COLQ: variants seen among roughly 807,000 people sequenced by gnomAD.
COLQ encodes the protein acetylcholinesterase collagenic tail peptide.
COLQ carries 48 observed loss-of-function variants against 69.0 expected under a neutral mutation model. That is an observed-to-expected ratio of 0.70 (90% CI 0.55 to 0.88). The LOEUF (loss-of-function observed/expected upper bound fraction) is 0.88, where lower values mean the gene tolerates loss of function less well. Among genes scored for constraint, COLQ ranks in the 40% least tolerant of loss-of-function variants. COLQ has a pLI of 0.00. For missense variants in COLQ, 618 were observed against 594.6 expected, an observed-to-expected ratio of 1.04 and a Z score of -0.41; for synonymous variants, 217 against 211.2, an observed-to-expected ratio of 1.03 and a Z score of -0.24.
intron 12 of COLQ, 70 bp from the exon 13 acceptor site, chr3:15,458,395 G>A: frequency 6.4e-7 from 1 of 1,573,408 alleles, no homozygotes. Flanking sequence ...GGAGATGTGA[G>A]CGACCTTTGC....
chr3:15,492,788 C>G (rs1382760085), intron 1 of COLQ, among the ~76,000 whole-genome samples: 1 of 152,238 alleles, frequency 6.6e-6, no homozygotes, highest in African/African-American at 2.4e-5. Flanking sequence ...TTCTATCCCA[C>G]CCTTTGCAAG....
At chr3:15,489,775 T>A in intron 1 of COLQ, 138 bp from the exon 2 acceptor site, 1 of 720,568 alleles carries the variant, frequency 1.4e-6, no homozygotes, top group Non-Finnish European at 2.5e-6. Flanking sequence ...TGGATAGGCC[T>A]CCTGTTGGCT....
At chr3:15,461,944 G>A (rs1396240716) in intron 12 of COLQ, among the ~76,000 whole-genome samples, 1 of 151,928 alleles carries the variant, frequency 6.6e-6, no homozygotes, top group Non-Finnish European at 1.5e-5. Flanking sequence ...ACCAATTTGG[G>A]GGGCCTAGTC....
intron 1 of COLQ, among the ~76,000 whole-genome samples, chr3:15,500,291 G>A (rs1017465518): frequency 6.6e-6 from 1 of 152,218 alleles, no homozygotes; most frequent in East Asian, 1.9e-4. Flanking sequence ...GGAGTCCTCA[G>A]TCCTGAGTCC....
chr3:15,457,799 A>G (rs1024216146), intron 13 of COLQ, among the ~76,000 whole-genome samples: 2 of 152,084 alleles, frequency 1.3e-5, no homozygotes, highest in African/African-American at 4.8e-5. Flanking sequence ...TATATTTTTT[A>G]GTAGAGATGG....
intron 11 of COLQ, chr3:15,467,826 A>G (rs1432336272): frequency 4.4e-6 from 2 of 456,116 alleles, no homozygotes; most frequent in Non-Finnish European, 8.8e-6. Flanking sequence ...ACTCCTTTCC[A>G]GCCACAACGG....
At chr3:15,484,535 C>T (rs963951158) in intron 3 of COLQ, among the ~76,000 whole-genome samples, 4 of 152,182 alleles carry the variant, frequency 2.6e-5, no homozygotes, top group African/African-American at 9.7e-5. Context: ...CCATTCTCCC[C>T]GTCACTTTCA....
chr3:15,519,164 G>C (rs2063102548), intron 1 of COLQ, among the ~76,000 whole-genome samples: 1 of 151,924 alleles, frequency 6.6e-6, no homozygotes, highest in Non-Finnish European at 1.5e-5. Flanking sequence ...GGTTACCTTA[G>C]TGATTCCCGC....
intron 1 of COLQ, among the ~76,000 whole-genome samples, chr3:15,517,280 T>TA (rs1289138577): frequency 4.6e-5 from 7 of 152,138 alleles, no homozygotes; most frequent in Admixed American, 1.3e-4. Flanking sequence ...GCCCTGGACT[T>TA]AAAGAAGCAG....
Position 15,455,854 on chromosome 3 carries a change from C to G in COLQ, c.1195+45G>C, listed in dbSNP as rs571916975. 15 of 1,612,982 alleles carry G rather than the reference C, an allele frequency of 9.3e-6. No homozygotes were observed. The South Asian group carries it at 9.9e-5, about 11-fold the overall frequency. On this transcript the variant is annotated intron_variant, in intron 15 of 16. Transcript: ENST00000383788. ...CAGGGCTGGCCCTGAGTCCCACCCC[C>G]CTGCTGTTCAGGCCTCAGGTCCTCC...
Position 15,489,534 on chromosome 3 carries a change from G to A in COLQ, c.210C>T (p.Gly70=). The change falls in exon 2 of 17, where the codon GGC becomes GGT. Residue 70 remains glycine, a synonymous_variant. Coordinates refer to ENST00000383788, the MANE Select transcript of COLQ (RefSeq NM_005677.4). ...PLFPPPFFRG[G]RSPLLSPDMK... ...ATCCCAAAGTACTCACCGGACTTCGGCCACCTCTGAAGAATGGTGGTGGGA... is the reference window on the plus strand; with the variant it reads ...ATCCCAAAGTACTCACCGGACTTCGACCACCTCTGAAGAATGGTGGTGGGA... The A allele has an allele frequency of 6.2e-7, 1 of 1,614,126 alleles. No homozygotes were observed. The highest frequency in any genetic ancestry group is 8.5e-7 in the Non-Finnish European group (1 of 1,179,968).
chr3:15,463,958 G>A (rs1209165829), intron 12 of COLQ, among the ~76,000 whole-genome samples: 1 of 152,254 alleles, frequency 6.6e-6, no homozygotes, highest in East Asian at 1.9e-4. Flanking sequence ...ACTAATCAGT[G>A]TTTGTTCTCC....
intron 12 of COLQ, among the ~76,000 whole-genome samples, chr3:15,461,608 G>T (rs1441807319): frequency 6.6e-6 from 1 of 152,186 alleles, no homozygotes; most frequent in Non-Finnish European, 1.5e-5. Flanking sequence ...AGAGGGCAGA[G>T]GAACCAGCAC....
At chr3:15,469,271 A>T (rs987096944) in intron 11 of COLQ, among the ~76,000 whole-genome samples, 1 of 152,214 alleles carries the variant, frequency 6.6e-6, no homozygotes, top group Non-Finnish European at 1.5e-5. Flanking sequence ...GGTTATCGCC[A>T]GGAACTAGGA....
At chr3:15,453,953 C>G in intron 15 of COLQ, 22 bp from the exon 16 acceptor site, 1 of 1,554,526 alleles carries the variant, frequency 6.4e-7, no homozygotes, top group Admixed American at 1.7e-5. Flanking sequence ...TAAGGAGGTG[C>G]AGTCTTGAGA....
intron 1 of COLQ, among the ~76,000 whole-genome samples, chr3:15,516,704 C>T (rs372945252): frequency 1.3e-5 from 2 of 152,306 alleles, no homozygotes; most frequent in South Asian, 4.1e-4. Context: ...TAGCTTAGAT[C>T]CTTAACCTCC....
chr3:15,479,772 GC>G (rs2062446878), intron 3 of COLQ, among the ~76,000 whole-genome samples: 1 of 152,120 alleles, frequency 6.6e-6, no homozygotes, highest in Admixed American at 6.5e-5. Context: ...AGTTACTCTT[GC>G]CAAACTTCCC....
intron 5 of COLQ, among the ~76,000 whole-genome samples, chr3:15,477,846 A>G (rs2062407416): frequency 1.3e-5 from 2 of 152,066 alleles, no homozygotes; most frequent in African/African-American, 4.8e-5. Context: ...CATTCTCCCT[A>G]CAGGTTCCTC....
chr3:15,451,529 T>C lies in COLQ; in HGVS notation c.*115A>G, dbSNP rs1028762266. ...ATGTCTTAGTAGCAGGAATTTGTCC[T>C]TGTTTTTGTCACACAAAGGTTGGTG... On this transcript the variant is annotated 3_prime_UTR_variant, in exon 17 of 17. Coordinates refer to ENST00000383788, the MANE Select transcript of COLQ (RefSeq NM_005677.4). 3.0e-6 allele frequency: 3 copies of C among 986,436 alleles called. No individual in the cohort carries two copies. Among genetic ancestry groups the C allele is most frequent in the Non-Finnish European group, 3.3e-6 (2 of 607,290 alleles). 61.1% of individuals were successfully genotyped at this position (986,436 alleles called of 1,614,324 possible).
Sources: allele counts gnomAD v4.1 joint callset (sites outside exome capture counted in the v4.1 genomes callset), GRCh38; gene constraint gnomAD v4.1.1; transcripts MANE v1.5; gene names NCBI Gene and HGNC (gene_info 2026-07-23, HGNC 2026-07-21).